Variants in SETD5 observed in about 807,000 individuals in gnomAD.
SETD5 encodes the protein histone-lysine N-methyltransferase SETD5.
SETD5 carries 44 observed loss-of-function variants against 153.3 expected under a neutral mutation model. The ratio of observed to expected loss-of-function variants is 0.29; its 90% CI spans 0.23 to 0.37. The LOEUF (loss-of-function observed/expected upper bound fraction) is 0.37, where lower values mean the gene tolerates loss of function less well. Ranked by LOEUF, SETD5 falls within the 10% of genes least tolerant of loss-of-function variation. SETD5 has a pLI of 1.00. For missense variants in SETD5, 1,544 were observed against 1,768.0 expected (o/e 0.87, Z 2.27); for synonymous variants, 716 against 645.2 (o/e 1.11, Z -1.66).
At position 9,434,010 on chromosome 3, in the gene SETD5, A is replaced by G; in HGVS notation, c.177+60A>G. 6.2e-7 allele frequency: 1 copy of G among 1,613,104 alleles called. No homozygotes were observed. ...TCTTCCTGGAGTGTAATCCATTCTTATACATTGTGACTTTCTTGAAATGTT... is the reference window on the plus strand; with the variant it reads ...TCTTCCTGGAGTGTAATCCATTCTTGTACATTGTGACTTTCTTGAAATGTT... On this transcript the variant is annotated intron_variant, in intron 4 of 22. Coordinates refer to ENST00000402198, the MANE Select transcript of SETD5 (RefSeq NM_001080517.3). This position sits in a 1 kb window ranked among gnomAD's most constrained non-coding sequence, Gnocchi z 5.6.
At chr3:9,457,460 C>T (rs2043397931) in intron 17 of SETD5, among the ~76,000 whole-genome samples, 1 of 151,814 alleles carries the variant, frequency 6.6e-6, no homozygotes, top group East Asian at 1.9e-4. Flanking sequence ...GCACTCCTGC[C>T]TGGGCAATAG....
In SETD5 at chr3:9,434,651, G is replaced by A; in HGVS notation, c.329+166G>A. 1 of 1,469,624 alleles carries A rather than the reference G, an allele frequency of 6.8e-7. No homozygotes were observed. The highest frequency in any genetic ancestry group is 9.0e-7 in the Non-Finnish European group (1 of 1,111,154). 91.0% of individuals were successfully genotyped at this position (1,469,624 alleles called of 1,614,324 possible). A position where few individuals can be genotyped will look rare whatever the true frequency, so the allele number is the denominator to read the frequency against. On this transcript the variant is annotated intron_variant, in intron 5 of 22. Transcript: ENST00000402198. The surrounding 1 kb of genome is among the most constrained non-coding windows in gnomAD (Gnocchi z 5.6). Reference sequence around the variant, plus strand: ...ACTAGGTGAGAATTGCTGACAACAAGGAATGAGAGATTGATGTTAAAGCTA... The same window carrying A: ...ACTAGGTGAGAATTGCTGACAACAAAGAATGAGAGATTGATGTTAAAGCTA...
Position 9,453,879 on chromosome 3 carries a change from A to G in SETD5, c.2476+11A>G. On this transcript the variant is annotated intron_variant, in intron 17 of 22. Transcript: ENST00000402198. ...GCAAAGACAATGCAGGTACGTATCT[A>G]AAACCTTTCTGATTATATGACCAAT... is the stretch of plus-strand genomic sequence containing the variant. 1.3e-6 allele frequency: 2 copies of G among 1,539,498 alleles called. No individual in the cohort carries two copies. The highest frequency in any genetic ancestry group is 2.3e-5 in the East Asian group (1 of 42,994).
chr3:9,476,000 A>C lies in SETD5; in HGVS notation c.4238A>C (p.His1413Pro). Residue 1413 changes from histidine to proline, a missense_variant, in exon 23 of 23, where the codon CAC (histidine) becomes CCC (proline). His to Pro is a moderately conservative substitution (Grantham distance 77, BLOSUM62 -2). Around this residue, in one of 9 missense-constraint regions of SETD5, gnomAD observed 302 missense variants for 277.6 expected, o/e 1.09. Transcript: ENST00000402198. ...GTATCTGCGGTTTCCAATTCACAGCACTACCCACACCGTGGGAGTGGGGGT... is the reference window on the plus strand; with the variant it reads ...GTATCTGCGGTTTCCAATTCACAGCCCTACCCACACCGTGGGAGTGGGGGT... ...SRVSAVSNSQ[H>P]YPHRGSGGVH... 6.2e-7 allele frequency: 1 copy of C among 1,614,006 alleles called. No individual in the cohort carries two copies. The highest frequency in any genetic ancestry group is 2.2e-5 in the East Asian group (1 of 44,876).
chr3:9,468,603 T>C, intron 18 of SETD5: 1 of 1,303,076 alleles, frequency 7.7e-7, no homozygotes, highest in South Asian at 1.2e-5. Context: ...TCAATCACAC[T>C]TGGAGGCTGA....
chr3:9,407,944 G>A (rs964041957), intron 1 of SETD5, among the ~76,000 whole-genome samples: 3 of 151,822 alleles, frequency 2.0e-5, no homozygotes, highest in African/African-American at 7.3e-5. Flanking sequence ...AAATTGCAGT[G>A]AGCTGAGATT....
chr3:9,417,890 T>G (rs1359476294), intron 1 of SETD5, among the ~76,000 whole-genome samples: 1 of 151,582 alleles, frequency 6.6e-6, no homozygotes, highest in Non-Finnish European at 1.5e-5. Flanking sequence ...TGATTAAAAA[T>G]GAAGCATCAT....
intron 7 of SETD5, among the ~76,000 whole-genome samples, chr3:9,437,279 C>T (rs1464926217): frequency 2.0e-5 from 3 of 151,988 alleles, no homozygotes; most frequent in Non-Finnish European, 2.9e-5. Context: ...AATTGCAGGA[C>T]GCTTGTATTA....
intron 11 of SETD5, among the ~76,000 whole-genome samples, chr3:9,443,877 A>G (rs957611037): frequency 1.8e-4 from 27 of 152,086 alleles, no homozygotes; most frequent in African/African-American, 5.8e-4. Context: ...CATCCTGGCC[A>G]ATGATGAAAC....
At chr3:9,429,722 G>T in intron 3 of SETD5, 1 of 644,282 alleles carries the variant, frequency 1.6e-6, no homozygotes. Context: ...AAAATTTTTA[G>T]TCTTTTGTAT....
chr3:9,445,508 G>C (rs1021281529), intron 12 of SETD5, 149 bp from the exon 13 acceptor site: 1 of 859,474 alleles, frequency 1.2e-6, no homozygotes, highest in Non-Finnish European at 1.8e-6. Context: ...ATAGGGGTTA[G>C]TTATCATCTG....
At chr3:9,418,232 A>G (rs1287024367) in intron 1 of SETD5, among the ~76,000 whole-genome samples, 1 of 151,922 alleles carries the variant, frequency 6.6e-6, no homozygotes, top group Non-Finnish European at 1.5e-5. Context: ...GAGTTTTGAT[A>G]ATTTGTTTGA....
intron 22 of SETD5, 160 bp downstream of exon 22, chr3:9,475,316 G>A: frequency 2.6e-6 from 3 of 1,161,930 alleles, no homozygotes; most frequent in East Asian, 2.6e-5. Flanking sequence ...AATTATGCCA[G>A]AAGATGAATA....
intron 10 of SETD5, chr3:9,443,101 A>G: frequency 4.5e-6 from 2 of 448,306 alleles, no homozygotes; most frequent in East Asian, 4.3e-5. Flanking sequence ...GTTTCTCCAC[A>G]TATTTAAGAA....
Position 9,400,030 on chromosome 3 carries a change from G to C in SETD5, c.-177+2053G>C, listed in dbSNP as rs373315798. ...AGTGCAGCGTCCATTAATGCTGCTG[G>C]CTGCAGGGAGCAGCACTTAGGCGAT... On this transcript the variant is annotated intron_variant, in intron 1 of 22. Transcript: ENST00000402198. Among the ~76,000 whole-genome samples the C allele has an allele frequency of 1.2e-4, 19 of 152,318 alleles. No homozygotes were observed. The East Asian group carries it at 1.4e-3, about 11-fold the overall frequency.
chr3:9,446,720 C>T (rs150636683), intron 13 of SETD5, among the ~76,000 whole-genome samples: 375 of 152,090 alleles, frequency 2.5e-3, no homozygotes, highest in African/African-American at 8.8e-3. Context: ...CTCAATCTCC[C>T]GACCTCATGA....
chr3:9,399,006 C>G (rs565739835), intron 1 of SETD5, among the ~76,000 whole-genome samples: 1 of 152,202 alleles, frequency 6.6e-6, no homozygotes, highest in Non-Finnish European at 1.5e-5. Context: ...TCATTTCTTT[C>G]CCAGACCTCT....
intron 18 of SETD5, among the ~76,000 whole-genome samples, chr3:9,465,456 C>T (rs1367765481): frequency 6.6e-6 from 1 of 152,214 alleles, no homozygotes; most frequent in Non-Finnish European, 1.5e-5. Flanking sequence ...AAAATGGACA[C>T]TGTCTCTTTT....
intron 17 of SETD5, among the ~76,000 whole-genome samples, chr3:9,463,786 TAG>T (rs1323946664): frequency 6.6e-6 from 1 of 152,204 alleles, no homozygotes; most frequent in Non-Finnish European, 1.5e-5. Context: ...TATAGCAGTT[TAG>T]TAGAGGGTAA....
Sources: gnomAD v4.1 joint callset for allele counts (sites outside exome capture counted in the v4.1 genomes callset) on GRCh38, gnomAD v4.1.1 for gene constraint, gnomAD v4.1.1 regional missense constraint, Gnocchi (gnomAD v3.1) non-coding constraint, MANE v1.5 for transcripts, NCBI Gene and HGNC (gene_info 2026-07-23, HGNC 2026-07-21) for gene names.